ZNF215: variants seen among roughly 807,000 people sequenced by gnomAD.
ZNF215 encodes zinc finger protein 215, also known as BWSCR2-associated zinc finger protein 2.
In ZNF215, 24 loss-of-function variants were observed where a neutral mutation model predicts 27.2. The observed-to-expected ratio is 0.88, with a 90% CI of 0.64 to 1.24. ZNF215 has a LOEUF of 1.24. Ranked by LOEUF, ZNF215 falls within the 50% of genes most tolerant of loss-of-function variation. The probability of loss-of-function intolerance (pLI) is 0.00; values close to 1 mark genes in which losing one functional copy is unlikely to be tolerated. For synonymous variants in ZNF215, 210 were observed against 204.0 expected (o/e 1.03, Z -0.25); for missense variants, 675 against 605.7 (o/e 1.11, Z -1.20).
chr11:6,937,485 G>GCT (rs1849476365), intron 3 of ZNF215, among the ~76,000 whole-genome samples: 1 of 72,312 alleles, frequency 1.4e-5, no homozygotes, highest in Non-Finnish European at 2.8e-5. Context: ...AATCTCAGCT[G>GCT]CTTTTTTTTT....
In ZNF215 at chr11:6,926,568, G is replaced by C. The variant is rs912651531; in HGVS notation, c.-443G>C. On this transcript the variant is annotated 5_prime_UTR_variant, in exon 1 of 7. Coordinates refer to ENST00000278319, the MANE Select transcript of ZNF215 (RefSeq NM_013250.4). ...GCGGCAATTTATGAAACTCGGAGCCGGCAGTGAGTTGAGGGTTCGGCGAGG... is the reference window on the plus strand; with the variant it reads ...GCGGCAATTTATGAAACTCGGAGCCCGCAGTGAGTTGAGGGTTCGGCGAGG... 7.2e-5 allele frequency: 11 copies of C among 152,352 alleles called. No homozygotes were observed. Among genetic ancestry groups the C allele is most frequent in the African/African-American group, 1.2e-4 (5 of 41,462 alleles). The allele number at this position is 152,352 out of a possible 1,614,324, so 9.4% of individuals were successfully genotyped here.
At chr11:6,964,069 T>G (rs1350877854) in intron 5 of ZNF215, among the ~76,000 whole-genome samples, 1 of 152,080 alleles carries the variant, frequency 6.6e-6, no homozygotes, top group African/African-American at 2.4e-5. Context: ...TTGCATTTTC[T>G]GAATGACTAT....
At chr11:6,986,988 A>C (rs1002350175), downstream of ZNF215, among the ~76,000 whole-genome samples, 1 of 152,158 alleles carries the variant, frequency 6.6e-6, no homozygotes, top group African/African-American at 2.4e-5. Flanking sequence ...AGATTTCTCA[A>C]ATAACTGAGG....
intron 3 of ZNF215, among the ~76,000 whole-genome samples, chr11:6,933,135 T>G (rs190692530): frequency 1.1e-4 from 17 of 152,332 alleles, no homozygotes; most frequent in Non-Finnish European, 2.5e-4. Context: ...AGGAGAGAGA[T>G]CTGAGGGTTC....
At chr11:6,988,089 G>C (rs536790905), downstream of ZNF215, 528 of 551,100 alleles carry the variant, frequency 9.6e-4, 2 homozygotes, top group Admixed American at 1.5e-3. Context: ...AGTGTGACCT[G>C]TCAGATTAAA....
chr11:6,974,326 C>G (rs1223157382), intron 5 of ZNF215, among the ~76,000 whole-genome samples: 1 of 152,038 alleles, frequency 6.6e-6, no homozygotes, highest in Non-Finnish European at 1.5e-5. Flanking sequence ...AGTCAGGTAG[C>G]GTGATGCCTC....
intron 2 of ZNF215, among the ~76,000 whole-genome samples, chr11:6,928,683 A>G (rs1198350116): frequency 1.3e-5 from 2 of 152,164 alleles, no homozygotes; most frequent in Non-Finnish European, 2.9e-5. Context: ...TTTAGTATAA[A>G]GCCTTTTCTG....
At chr11:6,929,519 C>T (rs1429520335) in intron 2 of ZNF215, among the ~76,000 whole-genome samples, 2 of 152,096 alleles carry the variant, frequency 1.3e-5, no homozygotes, top group Non-Finnish European at 2.9e-5. Context: ...TCAGACATTC[C>T]TTGTTTCTGA....
intron 6 of ZNF215, among the ~76,000 whole-genome samples, chr11:6,955,039 G>C (rs147108468): frequency 2.0e-5 from 3 of 152,180 alleles, no homozygotes; most frequent in African/African-American, 7.2e-5. Context: ...TAATTAGAAC[G>C]GTAAAGTTTT....
In ZNF215 at chr11:6,956,546, A is replaced by C; in HGVS notation, c.*15A>C. The stretch of plus-strand genomic sequence containing the variant: ...ATAAGTCCTGAAAAAAGAAAAAATG[A>C]AAGATTACCTTCAGTCAGAATGCAG... On this transcript the variant is annotated 3_prime_UTR_variant, in exon 7 of 7. Coordinates refer to ENST00000278319, the MANE Select transcript of ZNF215 (RefSeq NM_013250.4). 6.5e-7 allele frequency: 1 copy of C among 1,544,696 alleles called. No individual in the cohort carries two copies. Among genetic ancestry groups the C allele is most frequent in the Non-Finnish European group, 8.7e-7 (1 of 1,152,114 alleles).
chr11:6,940,971 T>TG (rs1189571455), intron 3 of ZNF215, among the ~76,000 whole-genome samples: 3 of 152,210 alleles, frequency 2.0e-5, no homozygotes, highest in African/African-American at 2.4e-5. Flanking sequence ...TGAGGATCAC[T>TG]GATGTAACTC....
chr11:6,990,688 T>C (rs1367854012), downstream of ZNF215, among the ~76,000 whole-genome samples: 1 of 152,266 alleles, frequency 6.6e-6, no homozygotes, highest in Non-Finnish European at 1.5e-5. Flanking sequence ...CTGTTGTCTT[T>C]ATATATATTA....
chr11:6,945,691 G>T (rs548155916), intron 6 of ZNF215, among the ~76,000 whole-genome samples: 23 of 152,010 alleles, frequency 1.5e-4, no homozygotes, highest in Non-Finnish European at 2.6e-4. Flanking sequence ...TCTTTGGTTG[G>T]CTATTCTATC....
At chr11:6,946,816 C>A (rs1366992517) in intron 6 of ZNF215, among the ~76,000 whole-genome samples, 1 of 152,052 alleles carries the variant, frequency 6.6e-6, no homozygotes, top group East Asian at 1.9e-4. Flanking sequence ...TTTACCCTAC[C>A]TGTACATCTC....
At chr11:6,964,861 G>T (rs915010922) in intron 5 of ZNF215, among the ~76,000 whole-genome samples, 6 of 152,052 alleles carry the variant, frequency 3.9e-5, no homozygotes, top group African/African-American at 1.4e-4. Flanking sequence ...ACATAAATTA[G>T]TGTGTGTATT....
At chr11:6,929,972 GTATT>G (rs1849193110) in intron 2 of ZNF215, among the ~76,000 whole-genome samples, 6 of 152,072 alleles carry the variant, frequency 3.9e-5, no homozygotes, top group Admixed American at 3.3e-4. Flanking sequence ...TGCCTTATGA[GTATT>G]AATTTAATTG....
chr11:6,962,469 G>A (rs1248975899), downstream of ZNF215, among the ~76,000 whole-genome samples: 1 of 152,156 alleles, frequency 6.6e-6, no homozygotes, highest in Non-Finnish European at 1.5e-5. Context: ...GGGACTTAGA[G>A]TGAACCCCAG....
chr11:6,931,403 A>G (rs915255979), intron 2 of ZNF215, among the ~76,000 whole-genome samples: 1 of 152,216 alleles, frequency 6.6e-6, no homozygotes, highest in Admixed American at 6.5e-5. Context: ...AGAAAAGTGC[A>G]TATTATTCTT....
At chr11:6,959,113 A>G (rs905029876), downstream of ZNF215, among the ~76,000 whole-genome samples, 1 of 152,192 alleles carries the variant, frequency 6.6e-6, no homozygotes, top group African/African-American at 2.4e-5. Context: ...GAGTTTTACT[A>G]TATACCATCA....
Sources: gnomAD v4.1 joint callset for allele counts (sites outside exome capture counted in the v4.1 genomes callset) on GRCh38, gnomAD v4.1.1 for gene constraint, MANE v1.5 for transcripts, NCBI Gene and HGNC (gene_info 2026-07-23, HGNC 2026-07-21) for gene names.